Variants in USP36 observed in about 807,000 individuals in gnomAD.
USP36 encodes ubiquitin specific peptidase 36.
In USP36, 59 loss-of-function variants were observed where a neutral mutation model predicts 111.5. That is an observed-to-expected ratio of 0.53 (90% CI 0.43 to 0.66). The LOEUF (loss-of-function observed/expected upper bound fraction) is 0.66. Among genes scored for constraint, USP36 ranks in the 30% least tolerant of loss-of-function variants. The pLI is 0.00. For synonymous variants in USP36, 628 were observed against 581.0 expected, an observed-to-expected ratio of 1.08 and a Z score of -1.16; for missense variants, 1,488 against 1,468.0, an observed-to-expected ratio of 1.01 and a Z score of -0.22.
intron 9 of USP36, 46 bp from the exon 10 acceptor site, chr17:78,818,824 C>T (rs1181952420): frequency 6.2e-7 from 1 of 1,600,962 alleles, no homozygotes; most frequent in Non-Finnish European, 8.6e-7. Flanking sequence ...TTGATTCGTG[C>T]TCTGAAAAAT....
intron 4 of USP36, among the ~76,000 whole-genome samples, chr17:78,830,914 G>A (rs1183383079): frequency 2.0e-5 from 3 of 151,550 alleles, no homozygotes. Flanking sequence ...TCAAAATTAG[G>A]CAAAAATTAT....
At chr17:78,807,772 G>A (rs1206872923) in intron 13 of USP36, 136 bp from the exon 14 acceptor site, 2 of 918,662 alleles carry the variant, frequency 2.2e-6, no homozygotes, top group South Asian at 2.2e-5. Context: ...TATTTATCTG[G>A]ACTCTTGGTA....
chr17:78,811,697 G>A (rs1440748255), intron 13 of USP36, among the ~76,000 whole-genome samples: 1 of 151,806 alleles, frequency 6.6e-6, no homozygotes, highest in Non-Finnish European at 1.5e-5. Context: ...GTGAAACCCC[G>A]TCTCCACTAA....
rs149984186 is a variant in USP36, at chr17:78,836,355, T to G, written c.9A>C (p.Ile3=). The change falls in exon 3 of 21, where the codon ATA becomes ATC. Residue 3 remains isoleucine (I), a synonymous_variant. Transcript: ENST00000449938. ...TCAGGGCCTCCTTCAACTTATCCAC[T>G]ATTGGCATGGTGCATCACTGTGGGG... The part of the protein sequence containing the change: MP[I]VDKLKEALKP... The G allele has an allele frequency of 5.7e-5, 92 of 1,613,868 alleles. No homozygotes were observed. The highest frequency in any genetic ancestry group is 7.5e-5 in the Non-Finnish European group (88 of 1,179,992).
chr17:78,802,633 C>T (rs2093783041), intron 16 of USP36, 98 bp from the exon 17 acceptor site: 5 of 1,210,840 alleles, frequency 4.1e-6, no homozygotes, highest in South Asian at 2.9e-5. Flanking sequence ...GGTGCCACCC[C>T]AGCTGTGACC....
chr17:78,803,411 G>A lies in USP36; in HGVS notation c.2784C>T (p.Gly928=). Residue 928 remains glycine, a synonymous_variant, in exon 16 of 21, where the codon GGC becomes GGT. Coordinates refer to ENST00000449938, the MANE Select transcript of USP36 (RefSeq NM_001385174.1). The surrounding 1 kb of genome is among the most constrained non-coding windows in gnomAD (Gnocchi z 4.6). ...KGAEGLGEEG[G]LHQDPLRHSC... ...TGTGCCGAAGTGGGTCCTGGTGCAG[G>A]CCGCCTTCTTCACCAAGACCTTCTG... is the stretch of plus-strand genomic sequence containing the variant. The A allele has an allele frequency of 3.7e-6, 6 of 1,613,874 alleles. No homozygotes were observed. In the South Asian group the frequency reaches 6.6e-5, roughly 18 times the overall value.
At chr17:78,807,927 C>T (rs1405072745) in intron 13 of USP36, among the ~76,000 whole-genome samples, 2 of 152,164 alleles carry the variant, frequency 1.3e-5, no homozygotes, top group East Asian at 3.9e-4. Context: ...TGGTCTCAAA[C>T]TTCTGGCCTC....
chr17:78,798,633 T>C lies in USP36; in HGVS notation c.3241-82A>G. ...GGGGCTCCATGCTGCATGCAGGTCC[T>C]GCACACAGGCCGGGCTCTCATGAGC... On this transcript the variant is annotated intron_variant, in intron 19 of 20. Coordinates refer to ENST00000449938, the MANE Select transcript of USP36 (RefSeq NM_001385174.1). This position sits in a 1 kb window ranked among gnomAD's most constrained non-coding sequence, Gnocchi z 5.1. 1.3e-6 allele frequency: 2 copies of C among 1,588,852 alleles called. No homozygotes were observed. Among genetic ancestry groups the C allele is most frequent in the Non-Finnish European group, 1.7e-6 (2 of 1,171,998 alleles).
chr17:78,799,482 C>A (rs1433955070), intron 18 of USP36, among the ~76,000 whole-genome samples, 185 bp downstream of exon 18: 1 of 152,194 alleles, frequency 6.6e-6, no homozygotes, highest in Non-Finnish European at 1.5e-5. Context: ...ACAGAAGCCA[C>A]CTTCGTGCCA....
At chr17:78,833,085 T>C (rs111298702) in intron 4 of USP36, among the ~76,000 whole-genome samples, 8,594 of 149,950 alleles carry the variant, frequency 0.057, 770 homozygotes, top group African/African-American at 0.2. Context: ...GAGGCGGGGG[T>C]TGCAGTGAGC....
chr17:78,814,615 C>A, intron 10 of USP36, 63 bp from the exon 11 acceptor site: 3 of 1,571,066 alleles, frequency 1.9e-6, no homozygotes, highest in Non-Finnish European at 1.7e-6. Flanking sequence ...TCAATTTGCC[C>A]TTTCCATCCA....
At chr17:78,800,199 G>A (rs1598971285) in intron 17 of USP36, among the ~76,000 whole-genome samples, 1 of 151,634 alleles carries the variant, frequency 6.6e-6, no homozygotes, top group African/African-American at 2.4e-5. Flanking sequence ...CTGACAGAAG[G>A]AGAGAAGAGA....
Position 78,803,980 on chromosome 17 carries a change from T to C in USP36, c.2217-2A>G. On this transcript the variant is annotated splice_acceptor_variant, in intron 15 of 20. Coordinates refer to ENST00000449938, the MANE Select transcript of USP36 (RefSeq NM_001385174.1). LOFTEE classifies it high-confidence loss of function. This position sits in a 1 kb window ranked among gnomAD's most constrained non-coding sequence, Gnocchi z 4.6. ...GATTGGGGAGCAGGTGACACAGCCCTGTGGGGACAGCCAGGAAACAGGGAG... is the reference window on the plus strand; with the variant it reads ...GATTGGGGAGCAGGTGACACAGCCCCGTGGGGACAGCCAGGAAACAGGGAG... 6.3e-7 allele frequency: 1 copy of C among 1,576,900 alleles called. No homozygotes were observed. Among genetic ancestry groups the C allele is most frequent in the Non-Finnish European group, 8.6e-7 (1 of 1,164,438 alleles).
At chr17:78,811,871 G>GAA (rs80052933) in intron 13 of USP36, among the ~76,000 whole-genome samples, 1 of 139,186 alleles carries the variant, frequency 7.2e-6, no homozygotes, top group African/African-American at 2.6e-5. Flanking sequence ...CCGTCTCAAA[G>GAA]AAAAAAAAAA....
At chr17:78,800,782 C>A (rs2093721342) in intron 17 of USP36, among the ~76,000 whole-genome samples, 1 of 152,204 alleles carries the variant, frequency 6.6e-6, no homozygotes, top group African/African-American at 2.4e-5. Flanking sequence ...TGAGCCCTTA[C>A]TGTGTGGTTC....
At chr17:78,828,091 G>A (rs1237511037) in intron 5 of USP36, among the ~76,000 whole-genome samples, 25 of 152,058 alleles carry the variant, frequency 1.6e-4, no homozygotes, top group Admixed American at 1.6e-3. Flanking sequence ...AGTGTGGTGC[G>A]CCTGTAATCC....
At chr17:78,812,117 C>G (rs1296390236) in intron 13 of USP36, among the ~76,000 whole-genome samples, 1 of 151,858 alleles carries the variant, frequency 6.6e-6, no homozygotes, top group Non-Finnish European at 1.5e-5. Context: ...AATCCAGGAG[C>G]TCAAGCCTGC....
intron 8 of USP36, 27 bp from the exon 9 acceptor site, chr17:78,820,039 A>C (rs780535325): frequency 1.4e-5 from 22 of 1,611,232 alleles, no homozygotes; most frequent in Non-Finnish European, 1.9e-5. Context: ...CAGGGAGTAA[A>C]ATACACAGCA....
downstream of USP36, among the ~76,000 whole-genome samples, chr17:78,792,687 C>T (rs1194309083): frequency 1.3e-5 from 2 of 152,078 alleles, no homozygotes; most frequent in Non-Finnish European, 2.9e-5. Context: ...CTCAACTCTG[C>T]TGCTCACTAT....
Sources: allele counts gnomAD v4.1 joint callset (sites outside exome capture counted in the v4.1 genomes callset), GRCh38; gene constraint gnomAD v4.1.1; non-coding constraint Gnocchi (gnomAD v3.1); transcripts MANE v1.5; gene names NCBI Gene and HGNC (gene_info 2026-07-23, HGNC 2026-07-21).